The following TMED8 variants were observed in gnomAD, a reference collection of about 807,000 sequenced individuals.
TMED8 encodes transmembrane p24 trafficking protein family member 8, also known as protein TMED8.
In TMED8, 15 loss-of-function variants were observed where a neutral mutation model predicts 32.7. The ratio of observed to expected loss-of-function variants is 0.46; its 90% confidence interval spans 0.31 to 0.71. TMED8 has a LOEUF of 0.71. Among genes scored for constraint, TMED8 ranks in the 30% least tolerant of loss-of-function variants. TMED8 has a pLI of 0.06. For synonymous variants in TMED8, 147 were observed against 161.4 expected, an observed-to-expected ratio of 0.91 and a Z score of 0.68; for missense variants, 390 against 423.9, an observed-to-expected ratio of 0.92 and a Z score of 0.70.
At chr14:77,369,008 A>G (rs1419321923) in intron 1 of TMED8, among the ~76,000 whole-genome samples, 1 of 152,206 alleles carries the variant, frequency 6.6e-6, no homozygotes, top group Non-Finnish European at 1.5e-5. Context: ...CATATCCTAT[A>G]GGTAGGTGCT....
intron 1 of TMED8, among the ~76,000 whole-genome samples, chr14:77,370,755 G>GTGTGTT (rs775939283): frequency 1.4e-4 from 21 of 152,060 alleles, no homozygotes; most frequent in Non-Finnish European, 2.5e-4. Flanking sequence ...GTGTGTGTGT[G>GTGTGTT]TGTGTGTGTG....
chr14:77,347,509 TCTC>T (rs1219703828), intron 2 of TMED8, among the ~76,000 whole-genome samples: 1 of 152,166 alleles, frequency 6.6e-6, no homozygotes, highest in Non-Finnish European at 1.5e-5. Context: ...CTCAAGCAAT[TCTC>T]CTGCCTCAGC....
At chr14:77,363,484 T>C (rs1176763255) in intron 1 of TMED8, among the ~76,000 whole-genome samples, 1 of 152,212 alleles carries the variant, frequency 6.6e-6, no homozygotes, top group African/African-American at 2.4e-5. Context: ...AGAATGTTGA[T>C]AGCAATAAAT....
At position 77,336,413 on chromosome 14, in the gene TMED8, G is replaced by GT. The variant is rs1892761219; in HGVS notation, c.*5357dup. 6.6e-6 allele frequency: 1 copy of GT among 152,128 alleles called. No homozygotes were observed. The highest frequency in any genetic ancestry group is 1.5e-5 in the Non-Finnish European group (1 of 68,032). 9.4% of individuals were successfully genotyped at this position (152,128 alleles called of 1,614,324 possible). A position where few individuals can be genotyped will look rare whatever the true frequency, so the allele number is the denominator to read the frequency against. Reference sequence around the variant, plus strand: ...AAAGCCAGTGTCTTGCCTTTGGACTGTGTGTGTGAGGCATGCCTATTTGTA... The same window carrying GT: ...AAAGCCAGTGTCTTGCCTTTGGACTGTTGTGTGTGAGGCATGCCTATTTGTA... On this transcript the variant is annotated 3_prime_UTR_variant, in exon 6 of 6. Transcript: ENST00000216468.
Position 77,376,077 on chromosome 14 carries a change from T to C in TMED8, c.118+859A>G, listed in dbSNP as rs1893807965. 6.6e-6 allele frequency among the ~76,000 whole-genome samples: 1 copy of C among 152,236 alleles called. No individual in the cohort carries two copies. The highest frequency in any genetic ancestry group is 1.5e-5 in the Non-Finnish European group (1 of 68,032). ...CTTAAATAAGACAAGTTCTCTCCCCTCTACCCTTTCGTATTTCAAAAGAGC... is the reference window on the plus strand; with the variant it reads ...CTTAAATAAGACAAGTTCTCTCCCCCCTACCCTTTCGTATTTCAAAAGAGC... On this transcript the variant is annotated intron_variant, in intron 1 of 5. Coordinates refer to ENST00000216468, the MANE Select transcript of TMED8 (RefSeq NM_213601.3). The surrounding 1 kb of genome is among the most constrained non-coding windows in gnomAD (Gnocchi z 4.0).
chr14:77,364,644 C>T (rs1014166181), intron 1 of TMED8, among the ~76,000 whole-genome samples: 1 of 152,142 alleles, frequency 6.6e-6, no homozygotes, highest in African/African-American at 2.4e-5. Context: ...CCTCCTGCCT[C>T]AGCCTCCCAA....
rs760924425 is a variant in TMED8, at chr14:77,343,337, C to T, written c.601G>A (p.Gly201Arg). The change falls in exon 5 of 6, where the codon GGG becomes AGG. Residue 201 changes from glycine (G) to arginine (R), a missense_variant. Transcript: ENST00000216468. ...GCAAACTCCCAGCAGACACGCTTCC[C>T]CTCTGGATGAGTAGGTACCCGGATG... ...VTIRVPTHPE[G>R]KRVCWEFATD... 3.1e-6 allele frequency: 5 copies of T among 1,614,134 alleles called. No homozygotes were observed. Among genetic ancestry groups the T allele is most frequent in the Non-Finnish European group, 4.2e-6 (5 of 1,180,026 alleles).
Position 77,341,154 on chromosome 14 carries a change from T to A in TMED8, c.*617A>T, listed in dbSNP as rs568239917. The A allele has an allele frequency of 6.5e-6, 1 of 152,950 alleles. No individual in the cohort carries two copies. The highest frequency in any genetic ancestry group is 1.9e-4 in the East Asian group (1 of 5,182). 9.5% of individuals were successfully genotyped at this position (152,950 alleles called of 1,614,324 possible). A position where few individuals can be genotyped will look rare whatever the true frequency, so the allele number is the denominator to read the frequency against. ...TGTTCTTGCTGTAATGGCAAAAACA[T>A]AGACTTAGGAAAGAGAAAGGAGGGG... On this transcript the variant is annotated 3_prime_UTR_variant, in exon 6 of 6. Coordinates refer to ENST00000216468, the MANE Select transcript of TMED8 (RefSeq NM_213601.3).
chr14:77,366,493 A>G (rs185279273), intron 1 of TMED8, among the ~76,000 whole-genome samples: 6 of 152,330 alleles, frequency 3.9e-5, no homozygotes, highest in African/African-American at 1.4e-4. Flanking sequence ...CTAACAATTT[A>G]GTGAGCCTCC....
At position 77,336,640 on chromosome 14, in the gene TMED8, C is replaced by G. The variant is rs1436289715; in HGVS notation, c.*5131G>C. On this transcript the variant is annotated 3_prime_UTR_variant, in exon 6 of 6. Coordinates refer to ENST00000216468, the MANE Select transcript of TMED8 (RefSeq NM_213601.3). ...GTTTGCTCTCCCCTCCCCCCATACTCCTACCCTTTGCCCCCTAATTTTATT... is the reference window on the plus strand; with the variant it reads ...GTTTGCTCTCCCCTCCCCCCATACTGCTACCCTTTGCCCCCTAATTTTATT... 1.3e-5 allele frequency: 2 copies of G among 151,290 alleles called. No individual in the cohort carries two copies. Among genetic ancestry groups the G allele is most frequent in the African/African-American group, 4.9e-5 (2 of 41,142 alleles). 9.4% of individuals were successfully genotyped at this position (151,290 alleles called of 1,614,324 possible). A position where few individuals can be genotyped will look rare whatever the true frequency, so the allele number is the denominator to read the frequency against.
intron 3 of TMED8, 31 bp from the exon 4 acceptor site, chr14:77,343,854 T>C (rs762169183): frequency 1.9e-6 from 3 of 1,595,792 alleles, no homozygotes; most frequent in Non-Finnish European, 2.6e-6. Flanking sequence ...TAAAGGAGTA[T>C]TCGAGTGGCA....
chr14:77,355,745 C>A (rs373303395), intron 1 of TMED8, among the ~76,000 whole-genome samples: 3 of 152,174 alleles, frequency 2.0e-5, no homozygotes, highest in South Asian at 2.1e-4. Flanking sequence ...GAACCTCCCC[C>A]CTCAACAGCC....
Position 77,344,308 on chromosome 14 carries a change from C to T in TMED8, c.328-485G>A, listed in dbSNP as rs1892978602. Among the ~76,000 whole-genome samples the T allele has an allele frequency of 3.3e-5, 5 of 152,330 alleles. No individual in the cohort carries two copies. The South Asian group carries it at 6.2e-4, about 19-fold the overall frequency. ...TTCTACATTACTGTCAATCAGCTCT[C>T]CAAAGCACTGCAGAGACAGAATCTG... On this transcript the variant is annotated intron_variant, in intron 3 of 5. Transcript: ENST00000216468.
Position 77,377,070 on chromosome 14 carries a change from G to T in TMED8, c.-17C>A, listed in dbSNP as rs911252575. On this transcript the variant is annotated 5_prime_UTR_variant, in exon 1 of 6. Coordinates refer to ENST00000216468, the MANE Select transcript of TMED8 (RefSeq NM_213601.3). The stretch of plus-strand genomic sequence containing the variant: ...GTCAGACATCTGCAGCCCGCGCACG[G>T]AGCTCTCCGCTGCCAGCCGCGAGTG... 4 of 1,340,294 alleles carry T rather than the reference G, an allele frequency of 3.0e-6. No homozygotes were observed. The highest frequency in any genetic ancestry group is 1.8e-5 in the South Asian group (1 of 55,524). 83.0% of individuals were successfully genotyped at this position (1,340,294 alleles called of 1,614,324 possible).
chr14:77,359,606 A>G, intron 1 of TMED8: 2 of 394,756 alleles, frequency 5.1e-6, no homozygotes, highest in Middle Eastern at 3.6e-4. Flanking sequence ...ATCAAAAAAC[A>G]GTTTAAAAAG....
chr14:77,364,724 AT>A (rs1893512468), intron 1 of TMED8, among the ~76,000 whole-genome samples: 1 of 152,026 alleles, frequency 6.6e-6, no homozygotes, highest in African/African-American at 2.4e-5. Flanking sequence ...TTTTTACTTC[AT>A]TTCTATAGGA....
intron 1 of TMED8, among the ~76,000 whole-genome samples, chr14:77,360,373 A>G (rs931014101): frequency 6.6e-6 from 1 of 151,670 alleles, no homozygotes; most frequent in Non-Finnish European, 1.5e-5. Flanking sequence ...CACCTCTAGT[A>G]ACCACTATTT....
rs1347884774 is a variant in TMED8, at chr14:77,341,516, T to TC, written c.*254dup. On this transcript the variant is annotated 3_prime_UTR_variant, in exon 6 of 6. Transcript: ENST00000216468. ...TTAGGCTTGTGCCCCATAGGTGCCT[T>TC]CAAGAGGGAATTTGCTGGAGTCTGA... The TC allele has an allele frequency of 3.7e-6, 2 of 534,466 alleles. No homozygotes were observed. The highest frequency in any genetic ancestry group is 6.7e-6 in the Non-Finnish European group (2 of 296,382). The allele number at this position is 534,466 out of a possible 1,614,324, so 33.1% of individuals were successfully genotyped here. A position where few individuals can be genotyped will look rare whatever the true frequency, so the allele number is the denominator to read the frequency against.
chr14:77,347,343 TC>T (rs1189191822), intron 2 of TMED8, among the ~76,000 whole-genome samples: 2 of 152,226 alleles, frequency 1.3e-5, no homozygotes, highest in Non-Finnish European at 2.9e-5. Flanking sequence ...TTTCAGCAGA[TC>T]CGTTTCATAC....
Sources: gnomAD v4.1 joint callset for allele counts (sites outside exome capture counted in the v4.1 genomes callset) on GRCh38, gnomAD v4.1.1 for gene constraint, Gnocchi (gnomAD v3.1) non-coding constraint, MANE v1.5 for transcripts, NCBI Gene and HGNC (gene_info 2026-07-23, HGNC 2026-07-21) for gene names.